The following SIRT7 variants were observed in gnomAD, a reference collection of about 807,000 sequenced individuals.
SIRT7 encodes the protein sirtuin 7, also known as NAD-dependent protein deacetylase sirtuin-7.
In SIRT7, 32 loss-of-function variants were observed where a neutral mutation model predicts 42.8. The observed-to-expected ratio is 0.75, with a 90% CI of 0.56 to 1.00. The LOEUF (loss-of-function observed/expected upper bound fraction) is 1.00. SIRT7 is among the 50% of genes least tolerant of loss of function. The pLI, the probability that SIRT7 is intolerant of heterozygous loss-of-function variation, is 0.00. For synonymous variants in SIRT7, 297 were observed against 245.2 expected (o/e 1.21, Z -1.97); for missense variants, 553 against 572.2 (o/e 0.97, Z 0.34).
intron 5 of SIRT7, 187 bp downstream of exon 5, chr17:81,915,253 G>A (rs910530659): frequency 4.7e-6 from 3 of 635,812 alleles, no homozygotes; most frequent in Non-Finnish European, 8.3e-6. Context: ...TGGTTCAGAG[G>A]GGGAGCTCCC....
intron 5 of SIRT7, chr17:81,915,132 A>G (rs575864773): frequency 3.8e-6 from 2 of 521,430 alleles, no homozygotes; most frequent in African/African-American, 3.8e-5. Context: ...GATGTCCTAT[A>G]AGCCTCCCCT....
In SIRT7 at chr17:81,912,577, G is replaced by A. The variant is rs781471662; in HGVS notation, c.1042C>T (p.Arg348Cys). The A allele has an allele frequency of 1.4e-5, 23 of 1,613,488 alleles. No individual in the cohort carries two copies. The East Asian group carries it at 2.7e-4, about 19-fold the overall frequency. The change falls in exon 10 of 10, where the codon CGT (arginine) becomes TGT (cysteine). Residue 348 changes from arginine to cysteine, a missense_variant. Coordinates refer to ENST00000328666, the MANE Select transcript of SIRT7 (RefSeq NM_016538.3). ...CTGTGGCTGCCTTCTTCACCAGCAC[G>A]CAGGGGAGTCGCCAGTGAGAAAATG... is the stretch of plus-strand genomic sequence containing the variant. ...DPIFSLATPL[R>C]AGEEGSHSRK...
rs200788583 is a variant in SIRT7 at position 81,913,885 on chromosome 17, G to A, written c.898-5C>T. 8 of 1,551,184 alleles carry A rather than the reference G, an allele frequency of 5.2e-6. No homozygotes were observed. The highest frequency in any genetic ancestry group is 3.9e-5 in the Admixed American group (2 of 51,118). ...CCAGTCATCCTTCGGGGTCCACTGA[G>A]GACAGGGAAAGCCGAGTGAGAGTAA... On this transcript the variant is annotated splice_polypyrimidine_tract_variant and splice_region_variant and intron_variant, in intron 8 of 9. Transcript: ENST00000328666. This position sits in a 1 kb window ranked among gnomAD's most constrained non-coding sequence, Gnocchi z 5.0.
At chr17:81,912,701 C>G in intron 9 of SIRT7, 87 bp from the exon 10 acceptor site, 3 of 1,394,464 alleles carry the variant, frequency 2.2e-6, no homozygotes, top group Non-Finnish European at 3.0e-6. Context: ...GTCTGCGGTC[C>G]CTGCCTTCCC....
In SIRT7 at chr17:81,915,519, G is replaced by C. The variant is rs199666229; in HGVS notation, c.408-7C>G. 3.1e-6 allele frequency: 5 copies of C among 1,613,496 alleles called. No homozygotes were observed. Among genetic ancestry groups the C allele is most frequent in the Non-Finnish European group, 4.2e-6 (5 of 1,179,898 alleles). On this transcript the variant is annotated splice_region_variant and splice_polypyrimidine_tract_variant and intron_variant, in intron 4 of 9. Coordinates refer to ENST00000328666, the MANE Select transcript of SIRT7 (RefSeq NM_016538.3). ...CTCGCTCAGGTCGGCAGCACTGCCAGGCAGAAAGGAAGGCAAGGTGAGGAG... is the reference window on the plus strand; with the variant it reads ...CTCGCTCAGGTCGGCAGCACTGCCACGCAGAAAGGAAGGCAAGGTGAGGAG...
chr17:81,914,123 AG>A lies in SIRT7; in HGVS notation c.860del (p.Pro287LeufsTer10), dbSNP rs2040745528. 6.2e-7 allele frequency: 1 copy of A among 1,613,586 alleles called. No homozygotes were observed. Among genetic ancestry groups the A allele is most frequent in the South Asian group, 1.1e-5 (1 of 91,088 alleles). On this transcript the variant is annotated frameshift_variant, in exon 8 of 10. Transcript: ENST00000328666. LOFTEE classifies it high-confidence loss of function. Reference sequence around the variant, plus strand: ...CGATGTAAAGCTTCGGCCGCCGGCTAGGGGGCTTGGTCATGCACCAGAGGCG... The same window carrying A: ...CGATGTAAAGCTTCGGCCGCCGGCTAGGGGCTTGGTCATGCACCAGAGGCG... ...YPRLWCMTKP[P>X]SRRPKLYIVN...
chr17:81,913,146 T>C lies in SIRT7; in HGVS notation c.1005-532A>G. On this transcript the variant is annotated intron_variant, in intron 9 of 9. Coordinates refer to ENST00000328666, the MANE Select transcript of SIRT7 (RefSeq NM_016538.3). This position sits in a 1 kb window ranked among gnomAD's most constrained non-coding sequence, Gnocchi z 5.0. ...TGATAAGGAAAATGAGCTAAGTTAA[T>C]GTAAAAAAAAAATACAGTACACGAT... 1 of 383,112 alleles carries C rather than the reference T, an allele frequency of 2.6e-6. No homozygotes were observed. Among genetic ancestry groups the C allele is most frequent in the South Asian group, 1.9e-5 (1 of 52,288 alleles). 23.7% of individuals were successfully genotyped at this position (383,112 alleles called of 1,614,324 possible). A position where few individuals can be genotyped will look rare whatever the true frequency, so the allele number is the denominator to read the frequency against.
At position 81,914,369 on chromosome 17, in the gene SIRT7, C is replaced by G. The variant is rs1197771753; in HGVS notation, c.741G>C (p.Gln247His). 6.2e-7 allele frequency: 1 copy of G among 1,613,016 alleles called. No homozygotes were observed. Residue 247 changes from glutamine (Q) to histidine (H), a missense_variant, in exon 7 of 10, where the codon CAG (glutamine) becomes CAC (histidine). Coordinates refer to ENST00000328666, the MANE Select transcript of SIRT7 (RefSeq NM_016538.3). ...VHFGERGTLGQPLNWEAATEA... is the reference protein window; with the variant it reads ...VHFGERGTLGHPLNWEAATEA... ...CGGTCGCCGCTTCCCAGTTCAAAGG[C>G]TGCCCCAACGTCCCCCTCTCCCCAA...
Position 81,914,392 on chromosome 17 carries a change from C to G in SIRT7, c.718G>C (p.Gly240Arg). The G allele has an allele frequency of 6.2e-7, 1 of 1,613,222 alleles. No individual in the cohort carries two copies. Among genetic ancestry groups the G allele is most frequent in the Non-Finnish European group, 8.5e-7 (1 of 1,180,008 alleles). ...GGCTGCCCCAACGTCCCCCTCTCCC[C>G]AAAGTGCACAATGGTGTCCCGCAGC... is the stretch of plus-strand genomic sequence containing the variant. ...TQLRDTIVHFGERGTLGQPLN... is the reference protein window; with the variant it reads ...TQLRDTIVHFRERGTLGQPLN... The change falls in exon 7 of 10, where the codon GGG becomes CGG. Residue 240 changes from glycine (G) to arginine (R), a missense_variant. Coordinates refer to ENST00000328666, the MANE Select transcript of SIRT7 (RefSeq NM_016538.3).
At position 81,914,332 on chromosome 17, in the gene SIRT7, T is replaced by C. The variant is rs1313458224; in HGVS notation, c.778A>G (p.Arg260Gly). The change falls in exon 7 of 10, where the codon AGA becomes GGA. Residue 260 changes from arginine (R) to glycine (G), a missense_variant. Transcript: ENST00000328666. Reference sequence around the variant, plus strand: ...CCTAGACACAGGATGGTGTCTGCTCTGCTGGCAGCCTCGGTCGCCGCTTCC... The same window carrying C: ...CCTAGACACAGGATGGTGTCTGCTCCGCTGGCAGCCTCGGTCGCCGCTTCC... ...NWEAATEAAS[R>G]ADTILCLGSS... The C allele has an allele frequency of 1.2e-6, 2 of 1,613,024 alleles. No homozygotes were observed. The highest frequency in any genetic ancestry group is 3.3e-5 in the Admixed American group (2 of 60,018).
In SIRT7 at chr17:81,917,979, C is replaced by A; in HGVS notation, c.94-12G>T. The A allele has an allele frequency of 1.5e-6, 2 of 1,336,182 alleles. No homozygotes were observed. The highest frequency in any genetic ancestry group is 9.5e-7 in the Non-Finnish European group (1 of 1,052,388). 82.8% of individuals were successfully genotyped at this position (1,336,182 alleles called of 1,614,324 possible). The stretch of plus-strand genomic sequence containing the variant: ...AGGATGCGCGACACCTGCGGGCAGG[C>A]GGACGGTGAGCGGCGGCGCGGGCCG... On this transcript the variant is annotated splice_polypyrimidine_tract_variant and intron_variant, in intron 1 of 9. Coordinates refer to ENST00000328666, the MANE Select transcript of SIRT7 (RefSeq NM_016538.3).
chr17:81,917,453 G>A, intron 3 of SIRT7, 162 bp downstream of exon 3: 1 of 590,512 alleles, frequency 1.7e-6, no homozygotes, highest in Non-Finnish European at 2.7e-6. Flanking sequence ...TTAACTGGCT[G>A]TAACACAGAG....
In SIRT7 at chr17:81,912,579, AG is replaced by A. The variant is rs2040698219; in HGVS notation, c.1039del (p.Leu347CysfsTer36). On this transcript the variant is annotated frameshift_variant, in exon 10 of 10. Transcript: ENST00000328666. LOFTEE classifies it high-confidence loss of function. The stretch of plus-strand genomic sequence containing the variant: ...GTGGCTGCCTTCTTCACCAGCACGC[AG>A]GGGAGTCGCCAGTGAGAAAATGGGA... The part of the protein sequence containing the change: ...QDPIFSLATP[L>X]RAGEEGSHSR... 6.2e-7 allele frequency: 1 copy of A among 1,613,558 alleles called. No homozygotes were observed. The highest frequency in any genetic ancestry group is 8.5e-7 in the Non-Finnish European group (1 of 1,179,988).
chr17:81,914,684 G>A lies in SIRT7; in HGVS notation c.499C>T (p.Gln167Ter). The A allele has an allele frequency of 6.2e-7, 1 of 1,612,764 alleles. No homozygotes were observed. The highest frequency in any genetic ancestry group is 8.5e-7 in the Non-Finnish European group (1 of 1,179,982). ...EQKLVQHVVS[Q>*]NCDGLHLRSG... is the part of the protein sequence containing the mutation. The stretch of plus-strand genomic sequence containing the variant: ...CTCAGGTGGAGCCCGTCACAGTTCT[G>A]AGACACCACATGCTGCACCTGGAAG... Residue 167 changes from glutamine (Q) to a stop codon, truncating the protein, a stop_gained, in exon 6 of 10, where the codon CAG (glutamine) becomes TAG (stop). Transcript: ENST00000328666. LOFTEE classifies it high-confidence loss of function.
At position 81,912,060 on chromosome 17, in the gene SIRT7, T is replaced by C. The variant is rs148897839; in HGVS notation, c.*356A>G. 82 of 367,098 alleles carry C rather than the reference T, an allele frequency of 2.2e-4. No individual in the cohort carries two copies. In the East Asian group the frequency reaches 3.9e-3, roughly 18 times the overall value. 22.7% of individuals were successfully genotyped at this position (367,098 alleles called of 1,614,324 possible). On this transcript the variant is annotated 3_prime_UTR_variant, in exon 10 of 10. Transcript: ENST00000328666. ...ATAAAGTTCACACTTTTTCATTAAG[T>C]AGTAGTAGAAATACGGTGAGGCCCT...
rs201329944 is a variant in SIRT7, at chr17:81,912,587, C to T, written c.1032G>A (p.Ala344=). The T allele has an allele frequency of 2.4e-5, 38 of 1,613,306 alleles. No homozygotes were observed. Among genetic ancestry groups the T allele is most frequent in the African/African-American group, 1.6e-4 (12 of 74,926 alleles). Residue 344 remains alanine, a synonymous_variant, in exon 10 of 10, where the codon GCG becomes GCA. Coordinates refer to ENST00000328666, the MANE Select transcript of SIRT7 (RefSeq NM_016538.3). ...CTTCTTCACCAGCACGCAGGGGAGTCGCCAGTGAGAAAATGGGATCCTGCC... is the reference window on the plus strand; with the variant it reads ...CTTCTTCACCAGCACGCAGGGGAGTTGCCAGTGAGAAAATGGGATCCTGCC... ...SRWQDPIFSL[A]TPLRAGEEGS...
intron 5 of SIRT7, chr17:81,915,109 G>A: frequency 2.0e-6 from 1 of 498,488 alleles, no homozygotes; most frequent in Non-Finnish European, 3.7e-6. Flanking sequence ...GTGTTCAGCA[G>A]AAGGTCCCCA....
chr17:81,915,181 AGGGAATCACAAAG>A, intron 5 of SIRT7: 1 of 566,946 alleles, frequency 1.8e-6, no homozygotes, highest in South Asian at 2.0e-5. Flanking sequence ...GAAAAATGCA[AGGGAATCACAAAG>A]GGGAAAGGCC....
intron 3 of SIRT7, chr17:81,917,245 C>G (rs2040821622): frequency 5.7e-6 from 1 of 176,716 alleles, no homozygotes. Flanking sequence ...AGTGAAACTT[C>G]TCAAAACACA....
Sources: allele counts gnomAD v4.1 joint callset, GRCh38; gene constraint gnomAD v4.1.1; non-coding constraint Gnocchi (gnomAD v3.1); transcripts MANE v1.5; gene names NCBI Gene and HGNC (gene_info 2026-07-23, HGNC 2026-07-21).